TTC28: variants seen among roughly 807,000 people sequenced by gnomAD.
TTC28 encodes tetratricopeptide repeat protein 28.
Under a neutral mutation model 198.0 loss-of-function variants are expected in TTC28, and 61 were observed. The ratio of observed to expected loss-of-function variants is 0.31; its 90% CI spans 0.25 to 0.38. The LOEUF is 0.38. Ranked by LOEUF, TTC28 falls within the 10% of genes least tolerant of loss-of-function variation. The pLI is 1.00. For missense variants in TTC28, 2,678 were observed against 3,164.0 expected (o/e 0.85, Z 3.69); for synonymous variants, 1,171 against 1,297.8 (o/e 0.90, Z 2.10).
intron 2 of TTC28, among the ~76,000 whole-genome samples, chr22:28,491,438 A>G (rs1448889698): frequency 1.2e-4 from 19 of 152,336 alleles, no homozygotes; most frequent in Admixed American, 5.2e-4. Context: ...CCCCATCAAC[A>G]AGTGGGCGAA....
intron 5 of TTC28, among the ~76,000 whole-genome samples, chr22:28,201,432 A>G (rs908248942): frequency 6.6e-6 from 1 of 152,282 alleles, no homozygotes; most frequent in Non-Finnish European, 1.5e-5. Context: ...AGGAAGGCTT[A>G]TCAGAGAAAC....
intron 2 of TTC28, among the ~76,000 whole-genome samples, chr22:28,591,761 A>C (rs1389820562): frequency 1.3e-5 from 2 of 152,164 alleles, no homozygotes; most frequent in African/African-American, 2.4e-5. Context: ...GACTACAAAC[A>C]ATATGACTCA....
rs398040471 is a variant in TTC28 at position 28,567,479 on chromosome 22, CATATATATATATATAT to C, written c.381+62057_381+62072del. On this transcript the variant is annotated intron_variant, in intron 2 of 22. Coordinates refer to ENST00000397906, the MANE Select transcript of TTC28 (RefSeq NM_001145418.2). ...CACACCACACGCATATACATACATA[CATATATATATATATAT>C]ATATATATATATATGTTTTTACCTA... 1.1e-3 allele frequency among the ~76,000 whole-genome samples: 58 copies of C among 51,144 alleles called. 1 individual carries two copies. Among genetic ancestry groups the C allele is most frequent in the Middle Eastern group, 0.019 (1 of 54 alleles). The allele number at this position is 51,144 out of a possible 152,430, so 33.6% of individuals were successfully genotyped here.
At chr22:28,512,736 G>GACACACGGTGGGGAACA (rs1191295448) in intron 2 of TTC28, among the ~76,000 whole-genome samples, 1 of 152,088 alleles carries the variant, frequency 6.6e-6, no homozygotes, top group Non-Finnish European at 1.5e-5. Context: ...AGAATACATG[G>GACACACGGTGGGGAACA]ACACACGGTG....
At position 27,985,284 on chromosome 22, in the gene TTC28, A is replaced by G. The variant is rs1937172427; in HGVS notation, c.5780T>C (p.Val1927Ala). The change falls in exon 22 of 23, where the codon GTG becomes GCG. Residue 1927 changes from valine to alanine, a missense_variant. By Grantham distance (64) the Val-to-Ala change is moderately conservative. Coordinates refer to ENST00000397906, the MANE Select transcript of TTC28 (RefSeq NM_001145418.2). ...CAGCAGGGACTGGAGCGCGAAGTGC[A>G]CAGTCCGTCGATTAGCTTGCTTCCC... ...KTGKQANRRT[V>A]HFALQSLLSL... is the part of the protein sequence containing the mutation. The G allele has an allele frequency of 1.3e-6, 2 of 1,551,480 alleles. No homozygotes were observed. The highest frequency in any genetic ancestry group is 1.4e-5 in the African/African-American group (1 of 73,054).
intron 2 of TTC28, among the ~76,000 whole-genome samples, chr22:28,572,055 C>T (rs916834065): frequency 7.3e-5 from 11 of 150,900 alleles, no homozygotes; most frequent in African/African-American, 2.7e-4. Context: ...ATTGCTCAGC[C>T]CAGAGCGGTA....
At chr22:28,164,021 C>T (rs1164853129) in intron 5 of TTC28, among the ~76,000 whole-genome samples, 3 of 152,260 alleles carry the variant, frequency 2.0e-5, no homozygotes, top group Non-Finnish European at 4.4e-5. Flanking sequence ...TCAGAGGGTC[C>T]TATGCCCATG....
chr22:28,284,819 G>A (rs1226644689), intron 5 of TTC28, among the ~76,000 whole-genome samples: 1 of 152,136 alleles, frequency 6.6e-6, no homozygotes, highest in Non-Finnish European at 1.5e-5. Flanking sequence ...TCTTATGATG[G>A]CTATTACCAA....
At chr22:28,163,676 A>G in intron 5 of TTC28, 77 bp from the exon 6 acceptor site, 2 of 1,442,374 alleles carry the variant, frequency 1.4e-6, no homozygotes, top group Non-Finnish European at 1.8e-6. Flanking sequence ...ATAAAATTTT[A>G]CAGGTTGCAA....
chr22:28,532,133 A>T (rs2049153963), intron 2 of TTC28, among the ~76,000 whole-genome samples: 1 of 152,140 alleles, frequency 6.6e-6, no homozygotes, highest in South Asian at 2.1e-4. Flanking sequence ...TTTTCTGAAA[A>T]GATCAACAAA....
At chr22:28,110,762 T>G (rs1018749392) in intron 6 of TTC28, among the ~76,000 whole-genome samples, 1 of 151,792 alleles carries the variant, frequency 6.6e-6, no homozygotes, top group African/African-American at 2.4e-5. Context: ...TAACAAGACC[T>G]TGTCTCTACC....
At chr22:28,638,296 T>G (rs1203061087) in intron 1 of TTC28, among the ~76,000 whole-genome samples, 1 of 152,022 alleles carries the variant, frequency 6.6e-6, no homozygotes, top group African/African-American at 2.4e-5. Flanking sequence ...ATAAAAAAAC[T>G]TATCCCCTCT....
intron 2 of TTC28, among the ~76,000 whole-genome samples, chr22:28,621,943 C>T (rs1037850793): frequency 6.6e-6 from 1 of 152,112 alleles, no homozygotes; most frequent in African/African-American, 2.4e-5. Context: ...GAAAATATAT[C>T]ACTTTTACTT....
chr22:28,307,345 A>G (rs1258933811), intron 2 of TTC28, among the ~76,000 whole-genome samples: 1 of 152,190 alleles, frequency 6.6e-6, no homozygotes, highest in Non-Finnish European at 1.5e-5. Flanking sequence ...AATTAGTAAG[A>G]TATTTAAATA....
intron 1 of TTC28, among the ~76,000 whole-genome samples, chr22:28,658,534 G>C (rs866551178): frequency 2.0e-5 from 3 of 152,220 alleles, no homozygotes; most frequent in South Asian, 2.1e-4. Context: ...AGGCTGGAGA[G>C]AGGGAATAGG....
At chr22:28,271,142 G>T (rs1370953313) in intron 5 of TTC28, among the ~76,000 whole-genome samples, 1 of 149,834 alleles carries the variant, frequency 6.7e-6, no homozygotes, top group African/African-American at 2.5e-5. Flanking sequence ...TAAAAGACAG[G>T]TCTCACTATA....
Position 28,270,542 on chromosome 22 carries a change from C to T in TTC28, c.933+25656G>A, listed in dbSNP as rs115637614. 3.1e-3 allele frequency among the ~76,000 whole-genome samples: 470 copies of T among 152,074 alleles called. 6 individuals carry two copies. The highest frequency in any genetic ancestry group is 0.011 in the African/African-American group (450 of 41,476). On this transcript the variant is annotated intron_variant, in intron 5 of 22. Transcript: ENST00000397906. ...TACAATCTGATATTAAAAAAAAAAC[C>T]CACAAACTTTAAAGTAGCTTTAATA...
At position 28,421,307 on chromosome 22, in the gene TTC28, C is replaced by T. The variant is rs376038588; in HGVS notation, c.382-114664G>A. Among the ~76,000 whole-genome samples, 17 of 152,162 alleles carry T rather than the reference C, an allele frequency of 1.1e-4. No homozygotes were observed. The East Asian group carries it at 2.3e-3, about 21-fold the overall frequency. On this transcript the variant is annotated intron_variant, in intron 2 of 22. Transcript: ENST00000397906. ...CAAAATTAAACAAATAAAACCACAA[C>T]GCTGGAAAACTGATTTGTCTCAATC...
chr22:28,021,112 G>C (rs1185122340), intron 13 of TTC28, among the ~76,000 whole-genome samples: 2 of 152,210 alleles, frequency 1.3e-5, no homozygotes, highest in Non-Finnish European at 2.9e-5. Context: ...AGCAGATGAA[G>C]AAACAGGGGC....
Sources: allele counts gnomAD v4.1 joint callset (sites outside exome capture counted in the v4.1 genomes callset), GRCh38; gene constraint gnomAD v4.1.1; transcripts MANE v1.5; gene names NCBI Gene and HGNC (gene_info 2026-07-23, HGNC 2026-07-21).